ELMO1: variants seen among roughly 807,000 people sequenced by gnomAD.
ELMO1 encodes the protein engulfment and cell motility protein 1.
In ELMO1, 26 loss-of-function variants were observed where a neutral mutation model predicts 98.9. The ratio of observed to expected loss-of-function variants is 0.26; its 90% CI spans 0.19 to 0.36. ELMO1 has a LOEUF of 0.36. ELMO1 is among the 10% of genes least tolerant of loss of function. ELMO1 has a pLI of 1.00. For synonymous variants in ELMO1, 346 were observed against 346.0 expected (o/e 1.00, Z 0.00); for missense variants, 627 against 935.2 (o/e 0.67, Z 4.30).
At position 36,870,411 on chromosome 7, in the gene ELMO1, A is replaced by C; in HGVS notation, c.1887T>G (p.Gly629=). The change falls in exon 20 of 22, where the codon GGT becomes GGG. Residue 629 remains glycine, a synonymous_variant. Coordinates refer to ENST00000310758, the MANE Select transcript of ELMO1 (RefSeq NM_014800.11). The surrounding 1 kb of genome is among the most constrained non-coding windows in gnomAD (Gnocchi z 4.4). ...GKDCPHMKEK[G]ALKQNKEVLE... is the part of the protein sequence containing the mutation. ...ATCATACCTTGTTTTGTTTAAGGGC[A>C]CCTTTCTCTTTCATATGAGGGCAGT... is the stretch of plus-strand genomic sequence containing the variant. 6.2e-7 allele frequency: 1 copy of C among 1,614,114 alleles called. No individual in the cohort carries two copies. Among genetic ancestry groups the C allele is most frequent in the Non-Finnish European group, 8.5e-7 (1 of 1,179,984 alleles).
At chr7:36,956,240 T>G (rs1788430794) in intron 16 of ELMO1, among the ~76,000 whole-genome samples, 3 of 152,206 alleles carry the variant, frequency 2.0e-5, no homozygotes, top group African/African-American at 7.2e-5. Context: ...CCTGCCCAGT[T>G]CCTTTGAGGT....
chr7:36,902,888 C>T (rs545631329), intron 16 of ELMO1, among the ~76,000 whole-genome samples: 101 of 152,308 alleles, frequency 6.6e-4, no homozygotes, highest in Non-Finnish European at 1.3e-3. Context: ...ATTGACCTCT[C>T]CCTGGACCCT....
At chr7:36,922,036 T>C (rs1785188543) in intron 16 of ELMO1, among the ~76,000 whole-genome samples, 1 of 152,184 alleles carries the variant, frequency 6.6e-6, no homozygotes, top group Non-Finnish European at 1.5e-5. Context: ...TAGTCCCTTA[T>C]GGAAATGAGG....
Position 37,178,878 on chromosome 7 carries a change from A to C in ELMO1, c.1086+32508T>G, listed in dbSNP as rs138483364. The stretch of plus-strand genomic sequence containing the variant: ...TCAAGGCCATTAAAAATAAGGAAAG[A>C]CTGAGAAGCTGTCGCAGGTTGAATG... On this transcript the variant is annotated intron_variant, in intron 13 of 21. Transcript: ENST00000310758. Among the ~76,000 whole-genome samples the C allele has an allele frequency of 4.1e-3, 617 of 152,300 alleles. 2 individuals are homozygous for C. The highest frequency in any genetic ancestry group is 7.2e-3 in the Non-Finnish European group (492 of 68,026).
intron 16 of ELMO1, among the ~76,000 whole-genome samples, chr7:36,923,822 T>C (rs1466205739): frequency 6.6e-6 from 1 of 152,102 alleles, no homozygotes; most frequent in Non-Finnish European, 1.5e-5. Context: ...AGGTCACGAA[T>C]GATAAGTAGG....
chr7:37,190,702 G>A (rs1791512737), intron 13 of ELMO1, among the ~76,000 whole-genome samples: 1 of 152,040 alleles, frequency 6.6e-6, no homozygotes, highest in Admixed American at 6.6e-5. Context: ...GTTTCACCAT[G>A]TTGGCCAGGC....
At chr7:37,158,277 C>T (rs1017819629) in intron 13 of ELMO1, among the ~76,000 whole-genome samples, 19 of 152,152 alleles carry the variant, frequency 1.2e-4, no homozygotes, top group African/African-American at 4.3e-4. Context: ...ACACCAAAAG[C>T]AATGGCAACA....
chr7:37,290,430 G>C (rs1270890511), intron 4 of ELMO1, among the ~76,000 whole-genome samples: 1 of 152,138 alleles, frequency 6.6e-6, no homozygotes, highest in Non-Finnish European at 1.5e-5. Context: ...ATCTTTAAAA[G>C]ATGATAAATA....
In ELMO1 at chr7:37,171,481, C is replaced by CTTTTTTTTTTTTT. The variant is rs71553100; in HGVS notation, c.1087-38248_1087-38247insAAAAAAAAAAAAA. On this transcript the variant is annotated intron_variant, in intron 13 of 21. Coordinates refer to ENST00000310758, the MANE Select transcript of ELMO1 (RefSeq NM_014800.11). ...AGTTTATTCTTGTAACCAGGCCTTT[C>CTTTTTTTTTTTTT]TATTTTTTTTTTTTTTTTTTTTTTT... is the stretch of plus-strand genomic sequence containing the variant. Among the ~76,000 whole-genome samples, 19 of 44,288 alleles carry CTTTTTTTTTTTTT rather than the reference C, an allele frequency of 4.3e-4. 3 individuals are homozygous for CTTTTTTTTTTTTT. Among genetic ancestry groups the CTTTTTTTTTTTTT allele is most frequent in the East Asian group, 1.3e-3 (2 of 1,502 alleles). 29.1% of individuals were successfully genotyped at this position (44,288 alleles called of 152,430 possible). A position where few individuals can be genotyped will look rare whatever the true frequency, so the allele number is the denominator to read the frequency against.
chr7:37,181,507 T>TGAAATCCTAGTTACAGAAAC (rs1790859214), intron 13 of ELMO1, among the ~76,000 whole-genome samples: 1 of 152,122 alleles, frequency 6.6e-6, no homozygotes, highest in South Asian at 2.1e-4. Context: ...TTGACAGAAA[T>TGAAATCCTAGTTACAGAAAC]GCAATCCTAG....
intron 13 of ELMO1, among the ~76,000 whole-genome samples, chr7:37,187,339 G>T (rs570120138): frequency 6.6e-6 from 1 of 152,266 alleles, no homozygotes; most frequent in Non-Finnish European, 1.5e-5. Flanking sequence ...AATGGGTCTT[G>T]TTGGGATAAT....
intron 14 of ELMO1, among the ~76,000 whole-genome samples, chr7:37,101,078 CTT>C (rs1400477815): frequency 6.6e-6 from 1 of 152,240 alleles, no homozygotes; most frequent in Non-Finnish European, 1.5e-5. Context: ...TCACACAACA[CTT>C]TTACCAGCAG....
Position 36,855,046 on chromosome 7 carries a change from A to C in ELMO1, c.*505T>G, listed in dbSNP as rs10280137. On this transcript the variant is annotated 3_prime_UTR_variant, in exon 22 of 22. Coordinates refer to ENST00000310758, the MANE Select transcript of ELMO1 (RefSeq NM_014800.11). This position sits in a 1 kb window ranked among gnomAD's most constrained non-coding sequence, Gnocchi z 4.2. ...GGAGGAGATTTGAGCGCAGATCTTAATTCAAGTGTAACTGGTGGTGCGAGA... is the reference window on the plus strand; with the variant it reads ...GGAGGAGATTTGAGCGCAGATCTTACTTCAAGTGTAACTGGTGGTGCGAGA... The C allele has an allele frequency of 5.9e-6, 1 of 170,228 alleles. No individual in the cohort carries two copies. The highest frequency in any genetic ancestry group is 2.4e-5 in the African/African-American group (1 of 41,750). The allele number at this position is 170,228 out of a possible 1,614,324, so 10.5% of individuals were successfully genotyped here.
chr7:37,429,641 G>A lies in ELMO1; in HGVS notation c.-74+19034C>T, dbSNP rs577837455. The A allele has an allele frequency of 4.5e-3, 685 of 152,504 alleles. 5 individuals carry two copies. Among genetic ancestry groups the A allele is most frequent in the Non-Finnish European group, 7.7e-3 (522 of 68,166 alleles). The allele number at this position is 152,504 out of a possible 1,614,324, so 9.4% of individuals were successfully genotyped here. On this transcript the variant is annotated intron_variant, in intron 1 of 21. Coordinates refer to ENST00000310758, the MANE Select transcript of ELMO1 (RefSeq NM_014800.11). ...GTTCAGGTGCTCTCAGGCCAGCAGG[G>A]GAGATGGGAGAGTGAATGAACTCAT... is the stretch of plus-strand genomic sequence containing the variant.
chr7:36,884,473 C>T (rs1271864095), intron 18 of ELMO1, among the ~76,000 whole-genome samples: 1 of 151,960 alleles, frequency 6.6e-6, no homozygotes, highest in Non-Finnish European at 1.5e-5. Context: ...TAACATTATC[C>T]CCATTTGAAA....
chr7:36,940,379 C>T (rs1206725903), intron 16 of ELMO1, among the ~76,000 whole-genome samples: 1 of 152,146 alleles, frequency 6.6e-6, no homozygotes, highest in African/African-American at 2.4e-5. Context: ...TACAGTGGGA[C>T]TTAAGGAGAA....
chr7:36,981,629 G>A (rs1791060051), intron 16 of ELMO1, among the ~76,000 whole-genome samples: 1 of 152,102 alleles, frequency 6.6e-6, no homozygotes, highest in Non-Finnish European at 1.5e-5. Context: ...TCCATACTGA[G>A]TTGAGAGAGG....
intron 2 of ELMO1, among the ~76,000 whole-genome samples, chr7:37,320,255 G>C (rs1157018830): frequency 2.0e-5 from 3 of 151,662 alleles, no homozygotes; most frequent in Non-Finnish European, 4.4e-5. Context: ...GTCCAGCCTG[G>C]CGACAGAGCA....
intron 13 of ELMO1, among the ~76,000 whole-genome samples, chr7:37,207,727 G>A (rs1191593284): frequency 6.6e-6 from 1 of 151,802 alleles, no homozygotes; most frequent in Non-Finnish European, 1.5e-5. Context: ...TGGATCACCT[G>A]AGGTCAGGAG....
Sources: gnomAD v4.1 joint callset for allele counts (sites outside exome capture counted in the v4.1 genomes callset) on GRCh38, gnomAD v4.1.1 for gene constraint, Gnocchi (gnomAD v3.1) non-coding constraint, MANE v1.5 for transcripts, NCBI Gene and HGNC (gene_info 2026-07-23, HGNC 2026-07-21) for gene names.